LHFPL3: variants seen among roughly 807,000 people sequenced by gnomAD.
The protein encoded by LHFPL3 is LHFPL tetraspan subfamily member 3 protein.
A neutral mutation model predicts 19.3 loss-of-function variants in LHFPL3; 5 were observed. The ratio of observed to expected loss-of-function variants is 0.26; its 90% CI spans 0.14 to 0.54. The LOEUF is 0.54. LHFPL3 is among the 20% of genes least tolerant of loss of function. The pLI is 0.94. For missense variants in LHFPL3, 249 were observed against 307.4 expected, an observed-to-expected ratio of 0.81 and a Z score of 1.42; for synonymous variants, 133 against 126.2, an observed-to-expected ratio of 1.05 and a Z score of -0.36.
intron 1 of LHFPL3, among the ~76,000 whole-genome samples, chr7:104,344,349 T>C: frequency 6.6e-6 from 1 of 152,188 alleles, no homozygotes; most frequent in East Asian, 1.9e-4. Flanking sequence ...GAGATTTTAG[T>C]GCACCTATAG....
intron 1 of LHFPL3, among the ~76,000 whole-genome samples, chr7:104,537,815 G>A (rs1454281861): frequency 6.6e-6 from 1 of 152,208 alleles, no homozygotes; most frequent in Non-Finnish European, 1.5e-5. Context: ...AATGCAAATG[G>A]ATGAGGGAAG....
intron 1 of LHFPL3, among the ~76,000 whole-genome samples, chr7:104,459,420 A>T (rs1792613990): frequency 6.6e-6 from 1 of 152,242 alleles, no homozygotes; most frequent in Non-Finnish European, 1.5e-5. Context: ...TCTTCTTCAG[A>T]GGAGTCAAGA....
chr7:104,535,088 C>T (rs1794367947), intron 1 of LHFPL3, among the ~76,000 whole-genome samples: 1 of 152,160 alleles, frequency 6.6e-6, no homozygotes, highest in Admixed American at 6.5e-5. Context: ...CCTCCTAACC[C>T]ATGTTCCAGC....
intron 1 of LHFPL3, among the ~76,000 whole-genome samples, chr7:104,390,992 G>A (rs997933788): frequency 5.3e-5 from 8 of 152,152 alleles, no homozygotes; most frequent in South Asian, 2.1e-4. Context: ...CTTTTGAAAA[G>A]GATCTGTTCA....
intron 1 of LHFPL3, among the ~76,000 whole-genome samples, chr7:104,579,753 C>T (rs1432368928): frequency 6.6e-6 from 1 of 152,178 alleles, no homozygotes; most frequent in Non-Finnish European, 1.5e-5. Context: ...CATAATATTA[C>T]CCTGTCAATC....
At chr7:104,589,450 C>T (rs1227836364) in intron 1 of LHFPL3, among the ~76,000 whole-genome samples, 3 of 152,190 alleles carry the variant, frequency 2.0e-5, no homozygotes, top group Non-Finnish European at 2.9e-5. Context: ...CCTTGCATCC[C>T]AGTGATGAAA....
chr7:104,367,332 C>T (rs1478157756), intron 1 of LHFPL3, among the ~76,000 whole-genome samples: 4 of 152,162 alleles, frequency 2.6e-5, no homozygotes, highest in African/African-American at 9.7e-5. Context: ...ATCAGGGCAG[C>T]CCTTGTATTT....
At position 104,884,189 on chromosome 7, in the gene LHFPL3, G is replaced by C. The variant is rs144113217; in HGVS notation, c.683-21998G>C. On this transcript the variant is annotated intron_variant, in intron 2 of 2. Coordinates refer to ENST00000424859, the MANE Select transcript of LHFPL3 (RefSeq NM_199000.3). ...ACACGCCAGAAGCCTGGGGTTGTAG[G>C]GTGGGTTCAAGTACTAACAACATCA... is the stretch of plus-strand genomic sequence containing the variant. Among the ~76,000 whole-genome samples, 701 of 152,286 alleles carry C rather than the reference G, an allele frequency of 4.6e-3. 5 individuals carry two copies. The highest frequency in any genetic ancestry group is 0.016 in the African/African-American group (658 of 41,548).
intron 2 of LHFPL3, among the ~76,000 whole-genome samples, chr7:104,828,147 G>A (rs970001493): frequency 8.6e-5 from 13 of 151,932 alleles, no homozygotes; most frequent in African/African-American, 1.5e-4. Context: ...GCTCACTCCC[G>A]CCATGCCTGA....
At position 104,712,625 on chromosome 7, in the gene LHFPL3, C is replaced by T. The variant is rs979739459; in HGVS notation, c.446-24050C>T. On this transcript the variant is annotated intron_variant, in intron 1 of 2. Transcript: ENST00000424859. ...CCATGAGCCAAAGAATGCAGGCAGCCTCTAGAAGCTGAAACAGGCAAGGAA... is the reference window on the plus strand; with the variant it reads ...CCATGAGCCAAAGAATGCAGGCAGCTTCTAGAAGCTGAAACAGGCAAGGAA... 2.0e-5 allele frequency among the ~76,000 whole-genome samples: 3 copies of T among 152,186 alleles called. No individual in the cohort carries two copies. The East Asian group carries it at 5.8e-4, about 29-fold the overall frequency.
At chr7:104,863,942 A>G (rs1791665499) in intron 2 of LHFPL3, among the ~76,000 whole-genome samples, 1 of 152,206 alleles carries the variant, frequency 6.6e-6, no homozygotes, top group Non-Finnish European at 1.5e-5. Context: ...AGTGGGGGTA[A>G]TAATAGTACC....
chr7:104,472,450 C>G (rs1792930377), intron 1 of LHFPL3, among the ~76,000 whole-genome samples: 1 of 152,014 alleles, frequency 6.6e-6, no homozygotes, highest in East Asian at 1.9e-4. Context: ...TATATGCAAA[C>G]AAGAACAAAG....
chr7:104,635,948 T>A (rs1380690648), intron 1 of LHFPL3, among the ~76,000 whole-genome samples: 1 of 152,190 alleles, frequency 6.6e-6, no homozygotes, highest in Non-Finnish European at 1.5e-5. Flanking sequence ...TTTATAGAGC[T>A]GTTAGAGGTT....
At chr7:104,856,393 G>A (rs1333710658) in intron 2 of LHFPL3, among the ~76,000 whole-genome samples, 2 of 151,958 alleles carry the variant, frequency 1.3e-5, no homozygotes, top group Non-Finnish European at 2.9e-5. Flanking sequence ...GGGATTACAG[G>A]CACCCGCCAC....
At chr7:104,466,993 C>T (rs1370090088) in intron 1 of LHFPL3, among the ~76,000 whole-genome samples, 1 of 152,214 alleles carries the variant, frequency 6.6e-6, no homozygotes, top group Non-Finnish European at 1.5e-5. Context: ...TGATGGTTCT[C>T]CAGTGGTCAA....
intron 1 of LHFPL3, among the ~76,000 whole-genome samples, chr7:104,533,002 A>C (rs1794331141): frequency 6.6e-6 from 1 of 152,214 alleles, no homozygotes. Flanking sequence ...GAATTCTTCC[A>C]AGGGAACTAT....
chr7:104,451,023 C>T (rs1248746443), intron 1 of LHFPL3, among the ~76,000 whole-genome samples: 1 of 152,178 alleles, frequency 6.6e-6, no homozygotes, highest in Non-Finnish European at 1.5e-5. Context: ...ACAGAGGATC[C>T]TCAGAAGTGG....
intron 2 of LHFPL3, among the ~76,000 whole-genome samples, chr7:104,782,364 G>A (rs749717334): frequency 7.2e-5 from 11 of 152,268 alleles, no homozygotes; most frequent in East Asian, 5.8e-4. Flanking sequence ...CATTACTTCC[G>A]CCTTATTCCA....
intron 1 of LHFPL3, among the ~76,000 whole-genome samples, chr7:104,374,869 A>G (rs1308828838): frequency 6.6e-6 from 1 of 152,218 alleles, no homozygotes. Flanking sequence ...CATGGCAAGC[A>G]TGGAATTATT....
Sources: gnomAD v4.1 joint callset for allele counts (sites outside exome capture counted in the v4.1 genomes callset) on GRCh38, gnomAD v4.1.1 for gene constraint, MANE v1.5 for transcripts, NCBI Gene and HGNC (gene_info 2026-07-23, HGNC 2026-07-21) for gene names.